VCPIP1: variants seen among roughly 807,000 people sequenced by gnomAD.
VCPIP1 encodes deubiquitinating protein VCPIP1.
A neutral mutation model predicts 85.0 loss-of-function variants in VCPIP1; 8 were observed. That is an observed-to-expected ratio of 0.09 (90% CI 0.06 to 0.17). VCPIP1 has a LOEUF of 0.17. VCPIP1 is among the 10% of genes least tolerant of loss of function. The pLI is 1.00. For missense variants in VCPIP1, 1,070 were observed against 1,486.3 expected (o/e 0.72, Z 4.61); for synonymous variants, 543 against 544.5 (o/e 1.00, Z 0.04).
At chr8:66,645,979 G>A (rs111325842) in intron 2 of VCPIP1, among the ~76,000 whole-genome samples, 9 of 117,646 alleles carry the variant, frequency 7.7e-5, no homozygotes, top group Admixed American at 1.5e-4. Flanking sequence ...CAAAAGACTC[G>A]TTGTCAAGAT....
Position 66,667,204 on chromosome 8 carries a change from T to C in VCPIP1, c.-246A>G. On this transcript the variant is annotated 5_prime_UTR_variant, in exon 1 of 3. Coordinates refer to ENST00000310421, the MANE Select transcript of VCPIP1 (RefSeq NM_025054.5). ...CACCCCACCCCGCACTCACACTCAC[T>C]CACTCTCGCTCTCTCTCCCTCAGAC... is the stretch of plus-strand genomic sequence containing the variant. 1 of 688,180 alleles carries C rather than the reference T, an allele frequency of 1.5e-6. No homozygotes were observed. The highest frequency in any genetic ancestry group is 3.5e-5 in the Admixed American group (1 of 28,484). The allele number at this position is 688,180 out of a possible 1,614,324, so 42.6% of individuals were successfully genotyped here.
chr8:66,634,076 A>G lies in VCPIP1; in HGVS notation c.*425T>C, dbSNP rs1810860317. 2 of 154,680 alleles carry G rather than the reference A, an allele frequency of 1.3e-5. No individual in the cohort carries two copies. The highest frequency in any genetic ancestry group is 2.4e-5 in the African/African-American group (1 of 41,550). The allele number at this position is 154,680 out of a possible 1,614,324, so 9.6% of individuals were successfully genotyped here. ...TCAGATAAAATTCAAGTTTACATAAACCTTTTGACACTAGTATATGAGATG... is the reference window on the plus strand; with the variant it reads ...TCAGATAAAATTCAAGTTTACATAAGCCTTTTGACACTAGTATATGAGATG... On this transcript the variant is annotated 3_prime_UTR_variant, in exon 3 of 3. Transcript: ENST00000310421.
intron 2 of VCPIP1, among the ~76,000 whole-genome samples, chr8:66,648,030 T>C (rs1375930443): frequency 2.0e-5 from 3 of 152,174 alleles, no homozygotes; most frequent in Non-Finnish European, 4.4e-5. Flanking sequence ...CTTGAACTCC[T>C]GAGCAATCCG....
rs1810871091 is a variant in VCPIP1, at chr8:66,635,043, G to C, written c.3127C>G (p.Pro1043Ala). Reference sequence around the variant, plus strand: ...ACAACTGAAGTTTCCCTAGCTCTTGGATCAAGGTGTGGGTTACCAGATGCA... The same window carrying C: ...ACAACTGAAGTTTCCCTAGCTCTTGCATCAAGGTGTGGGTTACCAGATGCA... ...GTASGNPHLD[P>A]RARETSVVRK... The change falls in exon 3 of 3, where the codon CCA becomes GCA. Residue 1043 changes from proline (P) to alanine (A), a missense_variant. Physicochemically the swap from Pro to Ala is conservative, Grantham distance 27 (BLOSUM62 -1). This residue lies in a region of VCPIP1 where 255 missense variants were observed against 289.5 expected (regional missense o/e 0.88). Coordinates refer to ENST00000310421, the MANE Select transcript of VCPIP1 (RefSeq NM_025054.5). 6.2e-7 allele frequency: 1 copy of C among 1,613,618 alleles called. No homozygotes were observed. The highest frequency in any genetic ancestry group is 1.7e-5 in the Admixed American group (1 of 59,952).
rs1221258430 is a variant in VCPIP1 at position 66,631,162 on chromosome 8, A to G, written c.*3339T>C. ...GGAAACCTTGCTTTGAGAACCATAAAACTCAAAATCTGTGTAGTATTTTAA... is the reference window on the plus strand; with the variant it reads ...GGAAACCTTGCTTTGAGAACCATAAGACTCAAAATCTGTGTAGTATTTTAA... On this transcript the variant is annotated 3_prime_UTR_variant, in exon 3 of 3. Coordinates refer to ENST00000310421, the MANE Select transcript of VCPIP1 (RefSeq NM_025054.5). 1.3e-5 allele frequency: 2 copies of G among 152,144 alleles called. No homozygotes were observed. The highest frequency in any genetic ancestry group is 2.9e-5 in the Non-Finnish European group (2 of 67,978). The allele number at this position is 152,144 out of a possible 1,614,324, so 9.4% of individuals were successfully genotyped here. A position where few individuals can be genotyped will look rare whatever the true frequency, so the allele number is the denominator to read the frequency against.
In VCPIP1 at chr8:66,634,691, G is replaced by A. The variant is rs757410586; in HGVS notation, c.3479C>T (p.Ser1160Phe). The A allele has an allele frequency of 2.5e-6, 4 of 1,614,162 alleles. No individual in the cohort carries two copies. The highest frequency in any genetic ancestry group is 2.2e-5 in the East Asian group (1 of 44,890). Residue 1160 changes from serine (S) to phenylalanine (F), a missense_variant, in exon 3 of 3, where the codon TCT becomes TTT. Physicochemically the swap from Ser to Phe is radical, Grantham distance 155 (BLOSUM62 -2). Transcript: ENST00000310421. The stretch of plus-strand genomic sequence containing the variant: ...TTCAGTACCACCAGTTAAAGGAAAA[G>A]ATTCAGGCAAACCAGTCTGAAGACT... ...SGSLQTGLPE[S>F]FPLTGGTENL... is the part of the protein sequence containing the mutation.
Position 66,634,575 on chromosome 8 carries a change from C to A in VCPIP1, c.3595G>T (p.Val1199Leu), listed in dbSNP as rs189491128. Residue 1199 changes from valine (V) to leucine (L), a missense_variant, in exon 3 of 3, where the codon GTG (valine) becomes TTG (leucine). Physicochemically the swap from Val to Leu is conservative, Grantham distance 32. Around this residue, in one of 8 missense-constraint regions of VCPIP1, gnomAD observed 255 missense variants for 289.5 expected, o/e 0.88. Transcript: ENST00000310421. ...CTATCCATCTCTTCAAGCTCCTCCA[C>A]GGAATTTCCCCTTTGTGCTTTTGAC... ...TRSKAQRGNS[V>L]EELEEMDSQD... The A allele has an allele frequency of 3.7e-6, 6 of 1,614,096 alleles. No individual in the cohort carries two copies. The Middle Eastern group carries it at 6.6e-4, about 178-fold the overall frequency.
chr8:66,630,690 G>A lies in VCPIP1; in HGVS notation c.*3811C>T, dbSNP rs1157432713. On this transcript the variant is annotated 3_prime_UTR_variant, in exon 3 of 3. Transcript: ENST00000310421. ...ATTAAATGTCAGATATACAAGTAAT[G>A]GCATTTTCTCCAATAATTCATAATT... 6 of 152,338 alleles carry A rather than the reference G, an allele frequency of 3.9e-5. No homozygotes were observed. The highest frequency in any genetic ancestry group is 8.8e-5 in the Non-Finnish European group (6 of 67,946). 9.4% of individuals were successfully genotyped at this position (152,338 alleles called of 1,614,324 possible). A position where few individuals can be genotyped will look rare whatever the true frequency, so the allele number is the denominator to read the frequency against.
intron 1 of VCPIP1, 82 bp from the exon 2 acceptor site, chr8:66,651,626 A>T: frequency 1.8e-6 from 2 of 1,099,150 alleles, no homozygotes; most frequent in Middle Eastern, 2.0e-4. Context: ...TTAGCCTAGA[A>T]TAAACATCAA....
intron 2 of VCPIP1, among the ~76,000 whole-genome samples, chr8:66,648,551 ATC>A (rs1811019888): frequency 6.6e-6 from 1 of 151,408 alleles, no homozygotes; most frequent in Non-Finnish European, 1.5e-5. Context: ...CTATCTATCT[ATC>A]TATCTATCTA....
rs1810840246 is a variant in VCPIP1 at position 66,632,127 on chromosome 8, A to G, written c.*2374T>C. ...CTAGCTTGCACGCCAAGATGTGGCT[A>G]TATCACAAATGGCAGTACTAGAAAA... On this transcript the variant is annotated 3_prime_UTR_variant, in exon 3 of 3. Coordinates refer to ENST00000310421, the MANE Select transcript of VCPIP1 (RefSeq NM_025054.5). 1 of 151,932 alleles carries G rather than the reference A, an allele frequency of 6.6e-6. No homozygotes were observed. Among genetic ancestry groups the G allele is most frequent in the Admixed American group, 6.6e-5 (1 of 15,250 alleles). 9.4% of individuals were successfully genotyped at this position (151,932 alleles called of 1,614,324 possible).
Position 66,645,793 on chromosome 8 carries a change from T to C in VCPIP1, c.2797+5665A>G, listed in dbSNP as rs539875138. ...AAAAAAAAAAAAAATTAGCAGGGCGTGGTGGTGCGCACCTGTAGTCCCTGC... is the reference window on the plus strand; with the variant it reads ...AAAAAAAAAAAAAATTAGCAGGGCGCGGTGGTGCGCACCTGTAGTCCCTGC... On this transcript the variant is annotated intron_variant, in intron 2 of 2. Transcript: ENST00000310421. Among the ~76,000 whole-genome samples, 182 of 143,298 alleles carry C rather than the reference T, an allele frequency of 1.3e-3. 1 individual carries two copies. The highest frequency in any genetic ancestry group is 2.2e-3 in the Non-Finnish European group (146 of 66,756). 94.0% of individuals were successfully genotyped at this position (143,298 alleles called of 152,430 possible).
intron 1 of VCPIP1, among the ~76,000 whole-genome samples, chr8:66,652,451 T>TA (rs958400348): frequency 1.5e-4 from 23 of 151,586 alleles, no homozygotes; most frequent in African/African-American, 5.6e-4. Context: ...CTGTCTCTAT[T>TA]AAAAATACAA....
At chr8:66,656,999 G>A (rs1050999468) in intron 1 of VCPIP1, among the ~76,000 whole-genome samples, 5 of 151,816 alleles carry the variant, frequency 3.3e-5, no homozygotes, top group East Asian at 3.9e-4. Flanking sequence ...TCCACTTCCC[G>A]GGTTCAAGCA....
intron 2 of VCPIP1, among the ~76,000 whole-genome samples, chr8:66,643,401 C>T (rs1221940853): frequency 6.6e-6 from 1 of 150,566 alleles, no homozygotes; most frequent in East Asian, 2.0e-4. Flanking sequence ...TAAATGCCTA[C>T]ATTAAAAAAA....
intron 1 of VCPIP1, among the ~76,000 whole-genome samples, chr8:66,655,284 G>A (rs1030165593): frequency 6.6e-6 from 1 of 152,206 alleles, no homozygotes; most frequent in Admixed American, 6.5e-5. Context: ...AGTATTGGTT[G>A]AATGAATGTA....
At chr8:66,657,979 C>T (rs1811116192) in intron 1 of VCPIP1, among the ~76,000 whole-genome samples, 1 of 152,086 alleles carries the variant, frequency 6.6e-6, no homozygotes, top group Non-Finnish European at 1.5e-5. Context: ...TTTATAACTG[C>T]TCTCCCATTA....
intron 1 of VCPIP1, among the ~76,000 whole-genome samples, chr8:66,656,747 C>G (rs564114381): frequency 2.0e-5 from 3 of 151,802 alleles, no homozygotes; most frequent in East Asian, 3.9e-4. Context: ...GTAGCTGGGA[C>G]TACAGGCACA....
At position 66,651,478 on chromosome 8, in the gene VCPIP1, C is replaced by T; in HGVS notation, c.2777G>A (p.Ser926Asn). The T allele has an allele frequency of 3.1e-6, 5 of 1,612,856 alleles. No individual in the cohort carries two copies. Among genetic ancestry groups the T allele is most frequent in the Non-Finnish European group, 4.2e-6 (5 of 1,179,552 alleles). The change falls in exon 2 of 3, where the codon AGT becomes AAT. Residue 926 changes from serine (S) to asparagine (N), a missense_variant. Physicochemically the swap from Ser to Asn is conservative, Grantham distance 46. Coordinates refer to ENST00000310421, the MANE Select transcript of VCPIP1 (RefSeq NM_025054.5). ...HMFQQGGVFY[S>N]IMKKTMGMAD... ...TATACCCATGGTTTTCTTCATAATACTGTAGAATACACCACCCTGCTGAAA... is the reference window on the plus strand; with the variant it reads ...TATACCCATGGTTTTCTTCATAATATTGTAGAATACACCACCCTGCTGAAA...
Sources: gnomAD v4.1 joint callset for allele counts (sites outside exome capture counted in the v4.1 genomes callset) on GRCh38, gnomAD v4.1.1 for gene constraint, gnomAD v4.1.1 regional missense constraint, MANE v1.5 for transcripts, NCBI Gene and HGNC (gene_info 2026-07-23, HGNC 2026-07-21) for gene names.